The following SARDH variants were observed in gnomAD, a reference collection of about 807,000 sequenced individuals.
SARDH encodes the protein sarcosine dehydrogenase.
A neutral mutation model predicts 109.1 loss-of-function variants in SARDH; 95 were observed. The ratio of observed to expected loss-of-function variants is 0.87; its 90% CI spans 0.74 to 1.03. The LOEUF is 1.03. Among genes scored for constraint, SARDH ranks in the 50% least tolerant of loss-of-function variants. The pLI is 0.00. For synonymous variants in SARDH, 572 were observed against 534.8 expected, an observed-to-expected ratio of 1.07 and a Z score of -0.96; for missense variants, 1,267 against 1,287.8, an observed-to-expected ratio of 0.98 and a Z score of 0.25.
At chr9:133,735,147 C>T (rs10124430) in intron 1 of SARDH, among the ~76,000 whole-genome samples, 3,137 of 152,302 alleles carry the variant, frequency 0.021, 118 homozygotes, top group African/African-American at 0.071. Flanking sequence ...AGCCTGGAGC[C>T]AGCACCTCCT....
chr9:133,711,586 C>T (rs1276722619), intron 10 of SARDH, among the ~76,000 whole-genome samples: 2 of 152,190 alleles, frequency 1.3e-5, no homozygotes, highest in Non-Finnish European at 2.9e-5. Flanking sequence ...CTCAGTGTCA[C>T]TGTCTCCGTG....
chr9:133,664,023 A>G lies in SARDH; in HGVS notation c.2632-9T>C. 6.2e-7 allele frequency: 1 copy of G among 1,613,744 alleles called. No homozygotes were observed. Among genetic ancestry groups the G allele is most frequent in the South Asian group, 1.1e-5 (1 of 91,020 alleles). ...ACAAAGTCCAGCGAGACCTAGGAGC[A>G]GAGGTGGGGATGAGGATCACTCTCT... On this transcript the variant is annotated splice_polypyrimidine_tract_variant and intron_variant, in intron 20 of 20. Transcript: ENST00000439388.
intron 4 of SARDH, 150 bp downstream of exon 4, chr9:133,731,155 G>A: frequency 1.0e-6 from 1 of 981,022 alleles, no homozygotes; most frequent in Non-Finnish European, 1.5e-6. Context: ...TGGCAGGAGT[G>A]GACCAGAAGG....
chr9:133,703,000 G>A lies in SARDH; in HGVS notation c.1584C>T (p.Tyr528=). The change falls in exon 13 of 21, where the codon TAC becomes TAT. Residue 528 remains tyrosine, a synonymous_variant. Coordinates refer to ENST00000439388, the MANE Select transcript of SARDH (RefSeq NM_001134707.2). ...PVLEYDYYGA[Y]GSRAHEDYAY... Reference sequence around the variant, plus strand: ...CGTAGTCCTCGTGCGCGCGGCTCCCGTAAGCCCCGTAGTAGTCGTACTCGA... The same window carrying A: ...CGTAGTCCTCGTGCGCGCGGCTCCCATAAGCCCCGTAGTAGTCGTACTCGA... The A allele has an allele frequency of 6.2e-7, 1 of 1,613,360 alleles. No individual in the cohort carries two copies. Among genetic ancestry groups the A allele is most frequent in the South Asian group, 1.1e-5 (1 of 91,030 alleles).
intron 6 of SARDH, among the ~76,000 whole-genome samples, chr9:133,726,682 G>T (rs548846598): frequency 1.1e-4 from 16 of 152,248 alleles, no homozygotes; most frequent in African/African-American, 3.9e-4. Flanking sequence ...CCCCAGTCTG[G>T]CCCTGGTGCC....
At chr9:133,700,731 G>A (rs111714041) in intron 13 of SARDH, among the ~76,000 whole-genome samples, 1 of 125,584 alleles carries the variant, frequency 8.0e-6, no homozygotes, top group Middle Eastern at 3.8e-3. Flanking sequence ...ACACACACAC[G>A]CACGCGCACA....
At position 133,713,045 on chromosome 9, in the gene SARDH, G is replaced by A. The variant is rs1382126284; in HGVS notation, c.1230C>T (p.Asn410=). Residue 410 remains asparagine (N), a synonymous_variant, in exon 9 of 21, where the codon AAC becomes AAT. Transcript: ENST00000439388. ...LRGFFLGCGF[N]SAGMMLGGGC... ...GCTGCTGCCCGGACTCACCTGCGCTGTTGAAGCCACAGCCCAGGAAGAACC... is the reference window on the plus strand; with the variant it reads ...GCTGCTGCCCGGACTCACCTGCGCTATTGAAGCCACAGCCCAGGAAGAACC... 1.2e-6 allele frequency: 2 copies of A among 1,611,466 alleles called. No individual in the cohort carries two copies. The highest frequency in any genetic ancestry group is 2.2e-5 in the South Asian group (2 of 90,494).
At chr9:133,667,063 G>A (rs1191010151) in intron 19 of SARDH, 193 bp from the exon 20 acceptor site, 1 of 656,574 alleles carries the variant, frequency 1.5e-6, no homozygotes, top group Non-Finnish European at 2.6e-6. Flanking sequence ...CAGGGCTCGG[G>A]CTTCGAGTGA....
chr9:133,730,470 TAAAAAA>T, intron 4 of SARDH, among the ~76,000 whole-genome samples: 1 of 147,264 alleles, frequency 6.8e-6, no homozygotes, highest in East Asian at 2.0e-4. Context: ...GACTTTTTTT[TAAAAAA>T]AAAAAGCAAG....
In SARDH at chr9:133,731,495, C is replaced by A; in HGVS notation, c.511-11G>T. ...ATACGCCTTGCCCAGCTAGGGGGAC[C>A]CAGGGGAGGTTAACTGAGTCCGTGG... On this transcript the variant is annotated splice_polypyrimidine_tract_variant and intron_variant, in intron 3 of 20. Coordinates refer to ENST00000439388, the MANE Select transcript of SARDH (RefSeq NM_001134707.2). 1 of 1,613,570 alleles carries A rather than the reference C, an allele frequency of 6.2e-7. No individual in the cohort carries two copies. Among genetic ancestry groups the A allele is most frequent in the African/African-American group, 1.3e-5 (1 of 75,046 alleles).
In SARDH at chr9:133,670,942, A is replaced by T. The variant is rs554689130; in HGVS notation, c.2327-190T>A. Among the ~76,000 whole-genome samples the T allele has an allele frequency of 3.2e-4, 49 of 152,210 alleles. No individual in the cohort carries two copies. The South Asian group carries it at 5.2e-3, about 16-fold the overall frequency. ...GTTCCCTGGGGCGACCGCTCCCCCG[A>T]GCAGACTGCCCATCAGCACTGCAGC... On this transcript the variant is annotated intron_variant, in intron 18 of 20. Coordinates refer to ENST00000439388, the MANE Select transcript of SARDH (RefSeq NM_001134707.2).
At position 133,724,266 on chromosome 9, in the gene SARDH, T is replaced by C. The variant is rs187284075; in HGVS notation, c.916-5224A>G. Among the ~76,000 whole-genome samples the C allele has an allele frequency of 8.0e-4, 122 of 152,300 alleles. No individual in the cohort carries two copies. In the East Asian group the frequency reaches 0.019, roughly 24 times the overall value. Reference sequence around the variant, plus strand: ...AGAAAATGTTCATAAATCATATATGTAACAAAGGACCTGTATCCAGAATAT... The same window carrying C: ...AGAAAATGTTCATAAATCATATATGCAACAAAGGACCTGTATCCAGAATAT... On this transcript the variant is annotated intron_variant, in intron 6 of 20. Transcript: ENST00000439388.
At chr9:133,665,234 C>T (rs1445978724) in intron 20 of SARDH, among the ~76,000 whole-genome samples, 1 of 152,196 alleles carries the variant, frequency 6.6e-6, no homozygotes, top group Non-Finnish European at 1.5e-5. Flanking sequence ...TCCCTGGTCA[C>T]GTTGGTTATG....
intron 16 of SARDH, 109 bp downstream of exon 16, chr9:133,690,271 C>T: frequency 2.3e-6 from 3 of 1,279,124 alleles, no homozygotes; most frequent in Middle Eastern, 2.8e-4. Context: ...GAGCGCTTAA[C>T]TATTCAGAAT....
Position 133,717,212 on chromosome 9 carries a change from G to C in SARDH, c.1150+114C>G, listed in dbSNP as rs111910250. The C allele has an allele frequency of 6.6e-6, 9 of 1,358,882 alleles. No homozygotes were observed. The African/African-American group carries it at 1.3e-4, about 20-fold the overall frequency. 84.2% of individuals were successfully genotyped at this position (1,358,882 alleles called of 1,614,324 possible). On this transcript the variant is annotated intron_variant, in intron 8 of 20. Transcript: ENST00000439388. ...GAGCCAAGCAGCGAGAGGGACCGGG[G>C]ACAGCCCTGGGTCCCCTGTGTGACA...
chr9:133,661,176 C>G (rs958775039), downstream of SARDH, among the ~76,000 whole-genome samples: 26 of 152,048 alleles, frequency 1.7e-4, no homozygotes, highest in Non-Finnish European at 5.9e-5. Context: ...CCCGTCTCTA[C>G]TAAAAATACA....
At chr9:133,659,620 C>T (rs988280902), downstream of SARDH, among the ~76,000 whole-genome samples, 1 of 152,190 alleles carries the variant, frequency 6.6e-6, no homozygotes, top group African/African-American at 2.4e-5. Flanking sequence ...GGATGGGCCT[C>T]GGAGTCCCCT....
chr9:133,719,225 T>C (rs1276054927), intron 6 of SARDH, among the ~76,000 whole-genome samples, 183 bp from the exon 7 acceptor site: 2 of 151,964 alleles, frequency 1.3e-5, no homozygotes, highest in African/African-American at 4.8e-5. Flanking sequence ...AATGGGTCAC[T>C]GCCATTCAAG....
At chr9:133,688,879 G>C (rs1026282019) in intron 16 of SARDH, among the ~76,000 whole-genome samples, 25 of 152,218 alleles carry the variant, frequency 1.6e-4, no homozygotes, top group African/African-American at 5.3e-4. Flanking sequence ...TAGTGTTAAA[G>C]CACTCGACCC....
Sources: allele counts gnomAD v4.1 joint callset (sites outside exome capture counted in the v4.1 genomes callset), GRCh38; gene constraint gnomAD v4.1.1; transcripts MANE v1.5; gene names NCBI Gene and HGNC (gene_info 2026-07-23, HGNC 2026-07-21).